CHD5: variants seen among roughly 807,000 people sequenced by gnomAD.
CHD5 encodes chromodomain helicase DNA binding protein 5, also known as ATP-dependent chromatin remodeler CHD5.
A neutral mutation model predicts 230.3 loss-of-function variants in CHD5; 69 were observed. The observed-to-expected ratio is 0.30, with a 90% CI of 0.25 to 0.37. The LOEUF (loss-of-function observed/expected upper bound fraction) is 0.37, where lower values mean the gene tolerates loss of function less well. Ranked by LOEUF, CHD5 falls within the 10% of genes least tolerant of loss-of-function variation. The probability of loss-of-function intolerance (pLI) is 1.00; values close to 1 mark genes in which losing one functional copy is unlikely to be tolerated. For synonymous variants in CHD5, 1,064 were observed against 1,065.9 expected, an observed-to-expected ratio of 1.00 and a Z score of 0.03; for missense variants, 1,827 against 2,622.8, an observed-to-expected ratio of 0.70 and a Z score of 6.63.
At chr1:6,168,487 G>C (rs1667288381) in intron 1 of CHD5, among the ~76,000 whole-genome samples, 1 of 152,182 alleles carries the variant, frequency 6.6e-6, no homozygotes, top group Admixed American at 6.5e-5. Flanking sequence ...CTCACCTCCA[G>C]GCCTTTCCTT....
In CHD5 at chr1:6,149,260, T is replaced by A; in HGVS notation, c.1147A>T (p.Ser383Cys). 1 of 1,606,308 alleles carries A rather than the reference T, an allele frequency of 6.2e-7. No homozygotes were observed. Among genetic ancestry groups the A allele is most frequent in the Non-Finnish European group, 8.5e-7 (1 of 1,175,924 alleles). ...CCAAGGCTTACACAGTGGGGGCAGCTCCACTTGCCCTCGGGAGCCTTCTCC... is the reference window on the plus strand; with the variant it reads ...CCAAGGCTTACACAGTGGGGGCAGCACCACTTGCCCTCGGGAGCCTTCTCC... ...ELEKAPEGKW[S>C]CPHCEKEGIQ... The change falls in exon 8 of 42, where the codon AGC becomes TGC. Residue 383 changes from serine to cysteine, a missense_variant. Coordinates refer to ENST00000262450, the MANE Select transcript of CHD5 (RefSeq NM_015557.3).
chr1:6,144,980 G>A (rs866470802), intron 11 of CHD5, among the ~76,000 whole-genome samples: 1 of 152,246 alleles, frequency 6.6e-6, no homozygotes, highest in Non-Finnish European at 1.5e-5. Flanking sequence ...TTGGGGCAGA[G>A]AGAAAAACTA....
At chr1:6,162,663 A>T (rs1168447141) in intron 2 of CHD5, among the ~76,000 whole-genome samples, 1 of 152,146 alleles carries the variant, frequency 6.6e-6, no homozygotes, top group Non-Finnish European at 1.5e-5. Flanking sequence ...ATGCCCAGAA[A>T]ATGCCCAAAC....
intron 1 of CHD5, among the ~76,000 whole-genome samples, chr1:6,170,767 G>A (rs925474282): frequency 3.9e-5 from 6 of 152,242 alleles, no homozygotes; most frequent in Non-Finnish European, 7.3e-5. Flanking sequence ...TGGAAAGGCG[G>A]GGATTTTTCA....
At position 6,155,738 on chromosome 1, in the gene CHD5, G is replaced by C; in HGVS notation, c.388-21C>G. On this transcript the variant is annotated intron_variant, in intron 3 of 41. Transcript: ENST00000262450. This position sits in a 1 kb window ranked among gnomAD's most constrained non-coding sequence, Gnocchi z 4.0. ...GGCTCCTACAGAGACCCAGGCCAGA[G>C]GTAGAGTTGTTGAGGGGCCTTCTGA... 1 of 1,602,720 alleles carries C rather than the reference G, an allele frequency of 6.2e-7. No homozygotes were observed. The highest frequency in any genetic ancestry group is 8.5e-7 in the Non-Finnish European group (1 of 1,170,018).
In CHD5 at chr1:6,179,940, C is replaced by T. The variant is rs1280561737; in HGVS notation, c.79+5G>A. The T allele has an allele frequency of 3.0e-6, 4 of 1,334,276 alleles. No individual in the cohort carries two copies. The highest frequency in any genetic ancestry group is 3.1e-5 in the African/African-American group (2 of 64,302). 82.7% of individuals were successfully genotyped at this position (1,334,276 alleles called of 1,614,324 possible). ...TGGCCCCAGGCGCACCCGCGCCCCGCTCACCTGACATCTCGTCCTCATTCT... is the reference window on the plus strand; with the variant it reads ...TGGCCCCAGGCGCACCCGCGCCCCGTTCACCTGACATCTCGTCCTCATTCT... On this transcript the variant is annotated splice_donor_5th_base_variant and intron_variant, in intron 1 of 41. Coordinates refer to ENST00000262450, the MANE Select transcript of CHD5 (RefSeq NM_015557.3).
In CHD5 at chr1:6,136,797, G is replaced by C; in HGVS notation, c.2505C>G (p.Ile835Met). The change falls in exon 16 of 42, where the codon ATC becomes ATG. Residue 835 changes from isoleucine (I) to methionine (M), a missense_variant. Physicochemically the swap from Ile to Met is conservative, Grantham distance 10. Around this residue, in one of 14 missense-constraint regions of CHD5, gnomAD observed 80 missense variants for 96.4 expected, o/e 0.83. Coordinates refer to ENST00000262450, the MANE Select transcript of CHD5 (RefSeq NM_015557.3). The part of the protein sequence containing the change: ...SYELITIDQA[I>M]LGSIEWACLV... ...GGCAGGCCCACTCGATGGAGCCCAG[G>C]ATGGCCTGGTCAATGGTGATGAGCT... is the stretch of plus-strand genomic sequence containing the variant. 6.2e-7 allele frequency: 1 copy of C among 1,613,938 alleles called. No homozygotes were observed.
chr1:6,146,229 G>A lies in CHD5; in HGVS notation c.1785C>T (p.His595=). 6.2e-7 allele frequency: 1 copy of A among 1,614,110 alleles called. No individual in the cohort carries two copies. The highest frequency in any genetic ancestry group is 8.5e-7 in the Non-Finnish European group (1 of 1,180,014). The change falls in exon 11 of 42, where the codon CAC becomes CAT. Residue 595 remains histidine, a synonymous_variant. Transcript: ENST00000262450. This position sits in a 1 kb window ranked among gnomAD's most constrained non-coding sequence, Gnocchi z 5.1. ...GCACACACCTATGGTTCAGGATTCGGTGAATCATCATCCACTCTGGCTTGA... is the reference window on the plus strand; with the variant it reads ...GCACACACCTATGGTTCAGGATTCGATGAATCATCATCCACTCTGGCTTGA... The part of the protein sequence containing the change: ...YGIKPEWMMI[H]RILNHSFDKK...
At position 6,155,941 on chromosome 1, in the gene CHD5, A is replaced by G. The variant is rs1447626230; in HGVS notation, c.388-224T>C. Among the ~76,000 whole-genome samples, 1 of 152,202 alleles carries G rather than the reference A, an allele frequency of 6.6e-6. No individual in the cohort carries two copies. Among genetic ancestry groups the G allele is most frequent in the Non-Finnish European group, 1.5e-5 (1 of 68,022 alleles). On this transcript the variant is annotated intron_variant, in intron 3 of 41. Coordinates refer to ENST00000262450, the MANE Select transcript of CHD5 (RefSeq NM_015557.3). This position sits in a 1 kb window ranked among gnomAD's most constrained non-coding sequence, Gnocchi z 4.0. ...CCACGTCTCAGATGCCAGCCCACGA[A>G]GTGCAGGCCAAGTGTTCGACGTCAG...
intron 9 of CHD5, among the ~76,000 whole-genome samples, chr1:6,148,527 G>A (rs1160901955): frequency 6.6e-6 from 1 of 152,226 alleles, no homozygotes; most frequent in Non-Finnish European, 1.5e-5. Flanking sequence ...TAATGTTAAA[G>A]GACACTATGA....
intron 35 of CHD5, 101 bp from the exon 36 acceptor site, chr1:6,111,984 C>A: frequency 7.3e-7 from 1 of 1,370,530 alleles, no homozygotes. Context: ...CTGCCTCCAC[C>A]CCCAGAGGTC....
At chr1:6,147,364 T>C (rs368856244) in intron 9 of CHD5, among the ~76,000 whole-genome samples, 1 of 152,062 alleles carries the variant, frequency 6.6e-6, no homozygotes, top group Non-Finnish European at 1.5e-5. Flanking sequence ...CCACCATCCC[T>C]CACCCGGGGC....
At chr1:6,145,017 A>T (rs1325056499) in intron 11 of CHD5, among the ~76,000 whole-genome samples, 1 of 152,236 alleles carries the variant, frequency 6.6e-6, no homozygotes, top group Admixed American at 6.5e-5. Context: ...CATGTAATTT[A>T]GTAAAGGTAG....
intron 38 of CHD5, among the ~76,000 whole-genome samples, chr1:6,108,536 G>A (rs1322211920): frequency 1.3e-5 from 2 of 149,354 alleles, no homozygotes; most frequent in Admixed American, 1.3e-4. Flanking sequence ...ATGACGGAGA[G>A]ATGGAAGGAT....
rs2100866729 is a variant in CHD5 at position 6,152,458 on chromosome 1, T to C, written c.824A>G (p.Lys275Arg). The C allele has an allele frequency of 6.2e-7, 1 of 1,614,192 alleles. No homozygotes were observed. Among genetic ancestry groups the C allele is most frequent in the African/African-American group, 1.3e-5 (1 of 75,054 alleles). ...KGKGKKTAGL[K>R]FRFGGISNKR... ...GTTGCTGATCCCCCCGAAGCGGAAC[T>C]TGAGCCCGGCCGTCTTTTTCCCTTT... Residue 275 changes from lysine to arginine, a missense_variant, in exon 6 of 42, where the codon AAG becomes AGG. Physicochemically the swap from Lys to Arg is conservative, Grantham distance 26. Transcript: ENST00000262450.
intron 1 of CHD5, among the ~76,000 whole-genome samples, chr1:6,171,854 G>T (rs536464826): frequency 2.6e-5 from 4 of 152,246 alleles, no homozygotes; most frequent in African/African-American, 9.6e-5. Flanking sequence ...CCAGCTCCTG[G>T]CCCCTCGTGG....
chr1:6,128,734 G>T lies in CHD5; in HGVS notation c.3619+104C>A. 1 of 1,270,820 alleles carries T rather than the reference G, an allele frequency of 7.9e-7. No homozygotes were observed. Among genetic ancestry groups the T allele is most frequent in the Non-Finnish European group, 1.1e-6 (1 of 889,748 alleles). The allele number at this position is 1,270,820 out of a possible 1,614,324, so 78.7% of individuals were successfully genotyped here. A position where few individuals can be genotyped will look rare whatever the true frequency, so the allele number is the denominator to read the frequency against. On this transcript the variant is annotated intron_variant, in intron 23 of 41. Coordinates refer to ENST00000262450, the MANE Select transcript of CHD5 (RefSeq NM_015557.3). This position sits in a 1 kb window ranked among gnomAD's most constrained non-coding sequence, Gnocchi z 7.8. ...AGATACAGGTGGGGGGTGCAGAAGA[G>T]AGGCTGTGTGTTGGAGCGGGCAGGG...
At chr1:6,113,314 T>C (rs1340973225) in intron 33 of CHD5, 2 of 430,750 alleles carry the variant, frequency 4.6e-6, no homozygotes, top group Non-Finnish European at 9.0e-6. Flanking sequence ...GTCCCACCTG[T>C]TCAGGAAGCT....
intron 13 of CHD5, among the ~76,000 whole-genome samples, chr1:6,143,275 C>A (rs1488873166): frequency 6.6e-6 from 1 of 152,098 alleles, no homozygotes; most frequent in Non-Finnish European, 1.5e-5. Context: ...TCAAGCGGTC[C>A]TCCCACCCCG....
Sources: allele counts gnomAD v4.1 joint callset (sites outside exome capture counted in the v4.1 genomes callset), GRCh38; gene constraint gnomAD v4.1.1; regional missense constraint gnomAD v4.1.1; non-coding constraint Gnocchi (gnomAD v3.1); transcripts MANE v1.5; gene names NCBI Gene and HGNC (gene_info 2026-07-23, HGNC 2026-07-21).